MRPL34: variants seen among roughly 807,000 people sequenced by gnomAD.
The protein encoded by MRPL34 is mitochondrial ribosomal protein L34.
Under a neutral mutation model 6.7 loss-of-function variants are expected in MRPL34, and 8 were observed. The observed-to-expected ratio is 1.20, with a 90% CI of 0.70 to 2.16. The LOEUF is 2.16. Ranked by LOEUF, MRPL34 falls within the 30% of genes most tolerant of loss-of-function variation. The probability of loss-of-function intolerance (pLI) is 0.00; values close to 1 mark genes in which losing one functional copy is unlikely to be tolerated. For missense variants in MRPL34, 146 were observed against 125.5 expected, an observed-to-expected ratio of 1.16 and a Z score of -0.78; for synonymous variants, 59 against 55.1, an observed-to-expected ratio of 1.07 and a Z score of -0.31.
intron 1 of MRPL34, chr19:17,296,530 T>C (rs1194285571): frequency 1.3e-5 from 2 of 152,224 alleles, no homozygotes; most frequent in African/African-American, 4.8e-5. Context: ...ATGACATATC[T>C]GTCTTCCTTA....
chr19:17,302,087 C>G (rs953197558), upstream of MRPL34: 1 of 153,594 alleles, frequency 6.5e-6, no homozygotes, highest in Non-Finnish European at 1.4e-5. Context: ...AGCCACCGTG[C>G]ACTGACATGT....
upstream of MRPL34, among the ~76,000 whole-genome samples, chr19:17,300,202 AT>A (rs573118178): frequency 8.9e-4 from 130 of 145,812 alleles, 2 homozygotes; most frequent in Non-Finnish European, 1.5e-3. Context: ...CCGCGCCCGG[AT>A]TTTTTTTTCT....
In MRPL34 at chr19:17,306,210, G is replaced by A; in HGVS notation, c.110G>A (p.Gly37Asp). 1.3e-6 allele frequency: 2 copies of A among 1,557,438 alleles called. No individual in the cohort carries two copies. Among genetic ancestry groups the A allele is most frequent in the Non-Finnish European group, 1.7e-6 (2 of 1,151,424 alleles). Reference protein sequence around the residue: ...RAWLGFPDAWGLPTPQQARGK... With the variant: ...RAWLGFPDAWDLPTPQQARGK... ...TGGCTGGGGTTCCCAGACGCCTGGG[G>A]CCTCCCCACCCCGCAGCAGGCCCGG... The change falls in exon 2 of 2, where the codon GGC becomes GAC. Residue 37 changes from glycine to aspartate, a missense_variant. Coordinates refer to ENST00000252602, the MANE Select transcript of MRPL34 (RefSeq NM_023937.4).
chr19:17,294,378 G>C, intron 1 of MRPL34: 2 of 1,613,942 alleles, frequency 1.2e-6, no homozygotes, highest in Non-Finnish European at 1.7e-6. Context: ...CGGCGTGGTA[G>C]ACCTCGTCGC....
chr19:17,305,877 G>A lies in MRPL34; in HGVS notation c.-16G>A, dbSNP rs1326846525. On this transcript the variant is annotated 5_prime_UTR_variant, in exon 1 of 2. Coordinates refer to ENST00000252602, the MANE Select transcript of MRPL34 (RefSeq NM_023937.4). The stretch of plus-strand genomic sequence containing the variant: ...CGGAATCGCCCGCAGCCGGTACTGC[G>A]GGACCCACTGCGGATATGGCTGTCT... 6.2e-7 allele frequency: 1 copy of A among 1,613,790 alleles called. No homozygotes were observed. Among genetic ancestry groups the A allele is most frequent in the Non-Finnish European group, 8.5e-7 (1 of 1,179,776 alleles).
rs776681947 is a variant in MRPL34, at chr19:17,306,163, C to G, written c.66-3C>G. On this transcript the variant is annotated splice_region_variant and splice_polypyrimidine_tract_variant and intron_variant, in intron 1 of 1. Transcript: ENST00000252602. Reference sequence around the variant, plus strand: ...CTTTCTCGCCGTCCCTCTACCCACGCAGGTGGCTCCAGCCCCGGGCCTGGC... The same window carrying G: ...CTTTCTCGCCGTCCCTCTACCCACGGAGGTGGCTCCAGCCCCGGGCCTGGC... 3.7e-5 allele frequency: 57 copies of G among 1,520,538 alleles called. No homozygotes were observed. Among genetic ancestry groups the G allele is most frequent in the Non-Finnish European group, 4.8e-5 (55 of 1,137,374 alleles). The allele number at this position is 1,520,538 out of a possible 1,614,324, so 94.2% of individuals were successfully genotyped here.
chr19:17,294,241 G>C, intron 1 of MRPL34: 1 of 1,576,940 alleles, frequency 6.3e-7, no homozygotes, highest in Non-Finnish European at 8.6e-7. Flanking sequence ...CTCCCGGGCA[G>C]CACCCTGGGG....
intron 1 of MRPL34, among the ~76,000 whole-genome samples, chr19:17,293,975 T>A (rs1026333072): frequency 2.6e-5 from 4 of 152,096 alleles, no homozygotes; most frequent in African/African-American, 9.7e-5. Context: ...ATTATATAGG[T>A]CACCGGTCTC....
upstream of MRPL34, chr19:17,300,963 C>A (rs1287199846): frequency 1.2e-6 from 2 of 1,613,386 alleles, no homozygotes; most frequent in Non-Finnish European, 1.7e-6. Flanking sequence ...CCACCTGGGG[C>A]GCAGAGCTGG....
upstream of MRPL34, chr19:17,301,696 C>T (rs1420258009): frequency 7.7e-6 from 11 of 1,435,772 alleles, no homozygotes; most frequent in African/African-American, 1.5e-4. Flanking sequence ...CAGGCACTCC[C>T]TGAGCCTTGG....
upstream of MRPL34, among the ~76,000 whole-genome samples, chr19:17,300,126 A>C: frequency 6.6e-6 from 1 of 150,758 alleles, no homozygotes; most frequent in Admixed American, 6.6e-5. Flanking sequence ...GGATGGTCTC[A>C]ATCTTCTGAC....
At position 17,292,717 on chromosome 19, in the gene MRPL34, G is replaced by A. The variant is rs745575280; in HGVS notation, c.77G>A (p.Gly26Asp). The change falls in exon 1 of 3, where the codon GGC becomes GAC. Residue 26 changes from glycine to aspartate, a missense_variant. Coordinates refer to the MRPL34 transcript ENST00000595444. ...GGCTCCGGTAGAGCCTTGGGCGAGGGCTCGGGCTCCCAGAGCAGGAATTCG... is the reference window on the plus strand; with the variant it reads ...GGCTCCGGTAGAGCCTTGGGCGAGGACTCGGGCTCCCAGAGCAGGAATTCG... 7 of 1,613,438 alleles carry A rather than the reference G, an allele frequency of 4.3e-6. No individual in the cohort carries two copies. Among genetic ancestry groups the A allele is most frequent in the Non-Finnish European group, 5.9e-6 (7 of 1,179,896 alleles).
At chr19:17,297,744 C>CTTTTTTTTTTTTTTTT (rs71334702) in intron 1 of MRPL34, 1 of 130,262 alleles carries the variant, frequency 7.7e-6, no homozygotes. Flanking sequence ...GTTTTCTTTT[C>CTTTTTTTTTTTTTTTT]TTTTTTTTTT....
chr19:17,294,183 A>T, intron 1 of MRPL34: 2 of 1,386,084 alleles, frequency 1.4e-6, no homozygotes, highest in Non-Finnish European at 1.9e-6. Context: ...CCTCGGGAAG[A>T]AAGCACGCCC....
At position 17,306,161 on chromosome 19, in the gene MRPL34, C is replaced by T. The variant is rs1416768619; in HGVS notation, c.66-5C>T. On this transcript the variant is annotated splice_region_variant and splice_polypyrimidine_tract_variant and intron_variant, in intron 1 of 1. Coordinates refer to ENST00000252602, the MANE Select transcript of MRPL34 (RefSeq NM_023937.4). Reference sequence around the variant, plus strand: ...ACCTTTCTCGCCGTCCCTCTACCCACGCAGGTGGCTCCAGCCCCGGGCCTG... The same window carrying T: ...ACCTTTCTCGCCGTCCCTCTACCCATGCAGGTGGCTCCAGCCCCGGGCCTG... 2.6e-6 allele frequency: 4 copies of T among 1,519,162 alleles called. No homozygotes were observed. In the African/African-American group the frequency reaches 4.2e-5, roughly 16 times the overall value. The allele number at this position is 1,519,162 out of a possible 1,614,324, so 94.1% of individuals were successfully genotyped here. A position where few individuals can be genotyped will look rare whatever the true frequency, so the allele number is the denominator to read the frequency against.
In MRPL34 at chr19:17,306,336, T is replaced by A. The variant is rs1480144876; in HGVS notation, c.236T>A (p.Ile79Asn). 1.6e-5 allele frequency: 26 copies of A among 1,609,372 alleles called. No individual in the cohort carries two copies. The highest frequency in any genetic ancestry group is 2.0e-5 in the Non-Finnish European group (24 of 1,179,042). Residue 79 changes from isoleucine to asparagine, a missense_variant, in exon 2 of 2, where the codon ATC becomes AAC. By Grantham distance (149) the Ile-to-Asn change is moderately radical (BLOSUM62 -3). Coordinates refer to ENST00000252602, the MANE Select transcript of MRPL34 (RefSeq NM_023937.4). ...RLSTPAGVQV[I>N]LRRMLKGRKS... ...AGCACGCCGGCCGGCGTGCAGGTCA[T>A]CCTTCGCCGAATGCTCAAGGGCCGC...
upstream of MRPL34, chr19:17,300,871 A>G (rs150514651): frequency 3.8e-6 from 6 of 1,596,342 alleles, no homozygotes; most frequent in African/African-American, 1.3e-5. Flanking sequence ...GGAATGGCCA[A>G]TGAGCACATT....
upstream of MRPL34, chr19:17,305,520 GCCGCTTC>G: frequency 3.5e-6 from 1 of 286,468 alleles, no homozygotes. Context: ...AGACCAACCA[GCCGCTTC>G]CTGCAGCTGC....
chr19:17,296,919 T>C (rs1307113386), intron 1 of MRPL34, among the ~76,000 whole-genome samples: 1 of 152,166 alleles, frequency 6.6e-6, no homozygotes, highest in Non-Finnish European at 1.5e-5. Flanking sequence ...GGTCTTGAAC[T>C]CCCGACCTCA....
Sources: gnomAD v4.1 joint callset for allele counts (sites outside exome capture counted in the v4.1 genomes callset) on GRCh38, gnomAD v4.1.1 for gene constraint, MANE v1.5 for transcripts, NCBI Gene and HGNC (gene_info 2026-07-23, HGNC 2026-07-21) for gene names.